TMEM132D: variants seen among roughly 807,000 people sequenced by gnomAD.
TMEM132D encodes transmembrane protein 132D.
Under a neutral mutation model 62.3 loss-of-function variants are expected in TMEM132D, and 21 were observed. That is an observed-to-expected ratio of 0.34 (90% CI 0.24 to 0.49). The LOEUF (loss-of-function observed/expected upper bound fraction) is 0.49. Among genes scored for constraint, TMEM132D ranks in the 20% least tolerant of loss-of-function variants. The pLI, the probability that TMEM132D is intolerant of heterozygous loss-of-function variation, is 0.99. For synonymous variants in TMEM132D, 621 were observed against 575.6 expected, an observed-to-expected ratio of 1.08 and a Z score of -1.13; for missense variants, 1,346 against 1,402.8, an observed-to-expected ratio of 0.96 and a Z score of 0.65.
At chr12:129,295,098 T>A (rs2135622486) in intron 4 of TMEM132D, among the ~76,000 whole-genome samples, 1 of 152,328 alleles carries the variant, frequency 6.6e-6, no homozygotes, top group South Asian at 2.1e-4. Context: ...ACAAAAAGAT[T>A]GGCCTCCTGC....
intron 5 of TMEM132D, among the ~76,000 whole-genome samples, chr12:129,178,774 G>A (rs1191543438): frequency 1.3e-5 from 2 of 152,114 alleles, no homozygotes; most frequent in Non-Finnish European, 1.5e-5. Flanking sequence ...ATGTATACAT[G>A]CTTTTGCAAC....
intron 4 of TMEM132D, among the ~76,000 whole-genome samples, chr12:129,314,465 T>C (rs973737716): frequency 5.3e-5 from 8 of 152,200 alleles, no homozygotes; most frequent in Admixed American, 3.3e-4. Flanking sequence ...TTCTGTTCCA[T>C]TGGTCTGTGT....
intron 4 of TMEM132D, among the ~76,000 whole-genome samples, chr12:129,294,370 G>T (rs764568342): frequency 2.6e-5 from 4 of 152,130 alleles, no homozygotes; most frequent in Non-Finnish European, 5.9e-5. Context: ...TTCCCTATCT[G>T]TCTTGGTGAT....
At chr12:129,424,616 G>A (rs1041610387) in intron 3 of TMEM132D, among the ~76,000 whole-genome samples, 28 of 145,948 alleles carry the variant, frequency 1.9e-4, no homozygotes, top group Non-Finnish European at 9.0e-5. Flanking sequence ...GCTGAGGCAG[G>A]AGAATGGCGT....
intron 4 of TMEM132D, among the ~76,000 whole-genome samples, chr12:129,225,380 A>C (rs1395326699): frequency 6.6e-6 from 1 of 152,206 alleles, no homozygotes; most frequent in African/African-American, 2.4e-5. Context: ...GACTTTGGCC[A>C]AGGTATGTCA....
intron 2 of TMEM132D, among the ~76,000 whole-genome samples, chr12:129,598,235 A>G (rs551186250): frequency 6.6e-6 from 1 of 152,250 alleles, no homozygotes; most frequent in Non-Finnish European, 1.5e-5. Context: ...AATGCTCCTT[A>G]TTTTTTTATG....
At chr12:129,486,115 G>T (rs1874571141) in intron 3 of TMEM132D, among the ~76,000 whole-genome samples, 1 of 152,176 alleles carries the variant, frequency 6.6e-6, no homozygotes. Context: ...CACCTTCCAT[G>T]GAAGACTGAT....
At chr12:129,752,479 CT>C (rs1593147732) in intron 1 of TMEM132D, among the ~76,000 whole-genome samples, 1 of 152,158 alleles carries the variant, frequency 6.6e-6, no homozygotes, top group Non-Finnish European at 1.5e-5. Context: ...GTCATAAGAC[CT>C]TTATGTCCAC....
At chr12:129,725,835 G>A (rs561635838) in intron 1 of TMEM132D, among the ~76,000 whole-genome samples, 2 of 152,312 alleles carry the variant, frequency 1.3e-5, no homozygotes, top group South Asian at 2.1e-4. Flanking sequence ...CTTGGCTGAC[G>A]TCTGGGAACC....
In TMEM132D at chr12:129,887,908, A is replaced by G. The variant is rs1874795424; in HGVS notation, c.79+15353T>C. Among the ~76,000 whole-genome samples the G allele has an allele frequency of 2.0e-5, 3 of 152,354 alleles. No homozygotes were observed. The East Asian group carries it at 5.8e-4, about 29-fold the overall frequency. ...AACTCCTTATTGGAATCAGATATGC[A>G]GAACTTAACGAGATAAGGCAGAACT... On this transcript the variant is annotated intron_variant, in intron 1 of 8. Coordinates refer to ENST00000422113, the MANE Select transcript of TMEM132D (RefSeq NM_133448.3).
intron 4 of TMEM132D, among the ~76,000 whole-genome samples, chr12:129,293,820 G>T (rs1425883877): frequency 6.6e-6 from 1 of 152,162 alleles, no homozygotes; most frequent in East Asian, 1.9e-4. Flanking sequence ...TACAGATGAA[G>T]CTTCGCTCGC....
chr12:129,462,974 C>T (rs1873731797), intron 3 of TMEM132D, among the ~76,000 whole-genome samples: 1 of 152,136 alleles, frequency 6.6e-6, no homozygotes, highest in Non-Finnish European at 1.5e-5. Context: ...GTCCTCGGAG[C>T]CCACAATAAA....
At chr12:129,076,563 A>G (rs1874263651) in intron 8 of TMEM132D, among the ~76,000 whole-genome samples, 1 of 151,716 alleles carries the variant, frequency 6.6e-6, no homozygotes, top group South Asian at 2.1e-4. Flanking sequence ...TTATTCTGTT[A>G]GACACTGGCT....
intron 3 of TMEM132D, among the ~76,000 whole-genome samples, chr12:129,405,592 G>C (rs1871761600): frequency 2.0e-5 from 3 of 152,130 alleles, no homozygotes; most frequent in Admixed American, 2.0e-4. Flanking sequence ...GTGGACTAGG[G>C]GTGCTGTTGG....
At chr12:129,325,186 C>G (rs770447801) in intron 4 of TMEM132D, among the ~76,000 whole-genome samples, 1 of 152,192 alleles carries the variant, frequency 6.6e-6, no homozygotes, top group African/African-American at 2.4e-5. Flanking sequence ...GCGGGATGGA[C>G]AGTAGTCCAA....
intron 5 of TMEM132D, among the ~76,000 whole-genome samples, chr12:129,104,159 A>C (rs1875408267): frequency 1.3e-5 from 2 of 150,644 alleles, no homozygotes; most frequent in South Asian, 4.3e-4. Flanking sequence ...AGGCTACAGT[A>C]ACCAAAACAG....
intron 5 of TMEM132D, among the ~76,000 whole-genome samples, chr12:129,181,440 G>A (rs1433283669): frequency 6.6e-6 from 1 of 152,210 alleles, no homozygotes; most frequent in Non-Finnish European, 1.5e-5. Context: ...CAACAGCAGA[G>A]AGACTTTTCT....
At position 129,779,151 on chromosome 12, in the gene TMEM132D, G is replaced by C. The variant is rs1175854664; in HGVS notation, c.80-78453C>G. On this transcript the variant is annotated intron_variant, in intron 1 of 8. Transcript: ENST00000422113. This position sits in a 1 kb window ranked among gnomAD's most constrained non-coding sequence, Gnocchi z 4.1. ...AGGCATCACATTCCAAATCCACCCA[G>C]CAGGAAGGATACAAGGCCTTAGGAA... Among the ~76,000 whole-genome samples, 1 of 152,168 alleles carries C rather than the reference G, an allele frequency of 6.6e-6. No individual in the cohort carries two copies. Among genetic ancestry groups the C allele is most frequent in the Non-Finnish European group, 1.5e-5 (1 of 68,036 alleles).
intron 1 of TMEM132D, among the ~76,000 whole-genome samples, chr12:129,714,321 A>G (rs1281850650): frequency 6.6e-6 from 1 of 152,088 alleles, no homozygotes; most frequent in Non-Finnish European, 1.5e-5. Flanking sequence ...GGTATTTTCT[A>G]TTTTTTTCTT....
Sources: allele counts gnomAD v4.1 joint callset (sites outside exome capture counted in the v4.1 genomes callset), GRCh38; gene constraint gnomAD v4.1.1; non-coding constraint Gnocchi (gnomAD v3.1); transcripts MANE v1.5; gene names NCBI Gene and HGNC (gene_info 2026-07-23, HGNC 2026-07-21).